CTBP2: variants seen among roughly 807,000 people sequenced by gnomAD.
CTBP2 encodes the protein C-terminal binding protein 2.
In CTBP2, 30 loss-of-function variants were observed where a neutral mutation model predicts 80.3. The ratio of observed to expected loss-of-function variants is 0.37; its 90% CI spans 0.28 to 0.51. The LOEUF (loss-of-function observed/expected upper bound fraction) is 0.51, where lower values mean the gene tolerates loss of function less well. CTBP2 is among the 20% of genes least tolerant of loss of function. The pLI is 0.93. For missense variants in CTBP2, 1,212 were observed against 1,375.3 expected (o/e 0.88, Z 1.88); for synonymous variants, 594 against 587.4 (o/e 1.01, Z -0.16).
intron 1 of CTBP2, among the ~76,000 whole-genome samples, chr10:125,149,369 G>A (rs1305092834): frequency 6.6e-6 from 1 of 152,192 alleles, no homozygotes; most frequent in Non-Finnish European, 1.5e-5. Flanking sequence ...TCCAGGTGGA[G>A]TGAAGTGGAA....
intron 1 of CTBP2, chr10:125,006,138 T>G: frequency 1.9e-6 from 1 of 539,892 alleles, no homozygotes; most frequent in Non-Finnish European, 2.7e-6. Context: ...ACCCACCCTC[T>G]ACCCTCCCTG....
At chr10:125,129,534 C>T (rs1387582284) in intron 1 of CTBP2, among the ~76,000 whole-genome samples, 1 of 152,074 alleles carries the variant, frequency 6.6e-6, no homozygotes, top group Non-Finnish European at 1.5e-5. Flanking sequence ...TGTGGTCAAA[C>T]AGAAGATGAC....
chr10:125,093,762 A>G (rs1152677), intron 2 of CTBP2, among the ~76,000 whole-genome samples: 38,580 of 152,138 alleles, frequency 0.25, 6,943 homozygotes, highest in African/African-American at 0.5. Context: ...CAGGACGCTC[A>G]GGGGGCAGCA....
intron 2 of CTBP2, among the ~76,000 whole-genome samples, chr10:125,105,867 A>C (rs906288631): frequency 2.0e-5 from 3 of 152,160 alleles, no homozygotes; most frequent in African/African-American, 7.2e-5. Flanking sequence ...TTCCCTGCCT[A>C]CTCATTTGCA....
intron 2 of CTBP2, among the ~76,000 whole-genome samples, chr10:125,075,482 C>T (rs1418836707): frequency 2.6e-5 from 4 of 152,182 alleles, no homozygotes; most frequent in Non-Finnish European, 5.9e-5. Context: ...AGAAGACCCT[C>T]GCCAGATGCC....
intron 3 of CTBP2, among the ~76,000 whole-genome samples, chr10:125,002,742 C>T (rs1460577628): frequency 1.3e-5 from 2 of 152,204 alleles, no homozygotes; most frequent in Non-Finnish European, 2.9e-5. Context: ...CTCACAGCCC[C>T]GCAGACCCCA....
intron 1 of CTBP2, among the ~76,000 whole-genome samples, chr10:125,152,082 G>C (rs996241667): frequency 7.4e-6 from 1 of 136,002 alleles, no homozygotes; most frequent in Non-Finnish European, 1.7e-5. Flanking sequence ...AGTGCCCTGC[G>C]GGGGGAAGAG....
intron 3 of CTBP2, chr10:125,000,019 C>T (rs1162597146): frequency 6.6e-6 from 1 of 152,296 alleles, no homozygotes; most frequent in Non-Finnish European, 1.5e-5. Context: ...CCCCACAAGG[C>T]CACGTGTGTA....
At chr10:125,052,306 C>G (rs546525691) in intron 2 of CTBP2, among the ~76,000 whole-genome samples, 62 of 152,318 alleles carry the variant, frequency 4.1e-4, no homozygotes, top group Middle Eastern at 3.4e-3. Flanking sequence ...TCAACACGCA[C>G]GGCCTGAGGT....
At chr10:125,005,634 C>G in intron 1 of CTBP2, 1 of 1,612,934 alleles carries the variant, frequency 6.2e-7, no homozygotes, top group Non-Finnish European at 8.5e-7. Context: ...GCAACAGCAC[C>G]GTCACCTGAC....
chr10:125,124,252 T>A (rs1854834237), intron 1 of CTBP2, among the ~76,000 whole-genome samples: 1 of 152,188 alleles, frequency 6.6e-6, no homozygotes, highest in African/African-American at 2.4e-5. Context: ...AAGGTCTTTG[T>A]GGCACTCTGT....
intron 1 of CTBP2, among the ~76,000 whole-genome samples, chr10:125,019,666 G>A (rs1956857377): frequency 6.6e-6 from 1 of 152,180 alleles, no homozygotes; most frequent in African/African-American, 2.4e-5. Context: ...TTTACTCAAA[G>A]CAGATCAAGA....
intron 1 of CTBP2, among the ~76,000 whole-genome samples, chr10:125,139,530 CTTGT>C (rs1857469687): frequency 6.6e-6 from 1 of 152,064 alleles, no homozygotes; most frequent in African/African-American, 2.4e-5. Context: ...GACTGTCTGC[CTTGT>C]TTTTTTCTCG....
chr10:125,120,766 C>A (rs1854188439), intron 1 of CTBP2, among the ~76,000 whole-genome samples: 1 of 152,206 alleles, frequency 6.6e-6, no homozygotes, highest in South Asian at 2.1e-4. Context: ...CAGCCTCTAC[C>A]TCTCGGGCTC....
At chr10:125,061,521 C>T (rs1964970860) in intron 2 of CTBP2, among the ~76,000 whole-genome samples, 1 of 152,244 alleles carries the variant, frequency 6.6e-6, no homozygotes, top group African/African-American at 2.4e-5. Context: ...CTCCAAGGAA[C>T]AGCCAGTTTG....
intron 2 of CTBP2, among the ~76,000 whole-genome samples, chr10:125,092,414 C>G (rs1402103375): frequency 2.6e-5 from 4 of 152,084 alleles, no homozygotes; most frequent in African/African-American, 9.7e-5. Flanking sequence ...CTCCTGACCT[C>G]AAGTGATCCA....
intron 2 of CTBP2, among the ~76,000 whole-genome samples, chr10:125,044,289 G>A (rs1263795335): frequency 3.9e-5 from 6 of 152,142 alleles, no homozygotes; most frequent in South Asian, 2.1e-4. Context: ...CAGTCCAGGC[G>A]GTGGTGACAC....
chr10:125,162,140 T>G (rs1450242246), upstream of CTBP2, among the ~76,000 whole-genome samples: 1 of 152,170 alleles, frequency 6.6e-6, no homozygotes, highest in Non-Finnish European at 1.5e-5. Flanking sequence ...GCCCTTAGGA[T>G]CGATTTGTTT....
intron 1 of CTBP2, among the ~76,000 whole-genome samples, chr10:125,147,430 C>CTTTT (rs1565041139): frequency 6.6e-6 from 1 of 152,108 alleles, no homozygotes; most frequent in Non-Finnish European, 1.5e-5. Flanking sequence ...CTTGGAGTGA[C>CTTTT]CTAATACGTA....
Sources: gnomAD v4.1 joint callset for allele counts (sites outside exome capture counted in the v4.1 genomes callset) on GRCh38, gnomAD v4.1.1 for gene constraint, MANE v1.5 for transcripts, NCBI Gene and HGNC (gene_info 2026-07-23, HGNC 2026-07-21) for gene names.